The following TTC28 variants were observed in gnomAD, a reference collection of about 807,000 sequenced individuals.
TTC28 encodes the protein tetratricopeptide repeat domain 28, also known as tetratricopeptide repeat protein 28.
A neutral mutation model predicts 198.0 loss-of-function variants in TTC28; 61 were observed. The ratio of observed to expected loss-of-function variants is 0.31; its 90% CI spans 0.25 to 0.38. TTC28 has a LOEUF of 0.38. Among genes scored for constraint, TTC28 ranks in the 10% least tolerant of loss-of-function variants. The pLI, the probability that TTC28 is intolerant of heterozygous loss-of-function variation, is 1.00. For synonymous variants in TTC28, 1,171 were observed against 1,297.8 expected (o/e 0.90, Z 2.10); for missense variants, 2,678 against 3,164.0 (o/e 0.85, Z 3.69).
At chr22:28,212,094 A>AC (rs1927022536) in intron 5 of TTC28, among the ~76,000 whole-genome samples, 1 of 152,190 alleles carries the variant, frequency 6.6e-6, no homozygotes, top group African/African-American at 2.4e-5. Context: ...CAAAGACACA[A>AC]CATGCCAGAA....
intron 6 of TTC28, among the ~76,000 whole-genome samples, chr22:28,122,827 C>A (rs1346346103): frequency 6.6e-6 from 1 of 152,186 alleles, no homozygotes; most frequent in African/African-American, 2.4e-5. Context: ...GTCTACAGCT[C>A]TCTTTTGTAG....
chr22:28,537,895 C>G (rs2049330304), intron 2 of TTC28, among the ~76,000 whole-genome samples: 1 of 151,782 alleles, frequency 6.6e-6, no homozygotes, highest in African/African-American at 2.4e-5. Flanking sequence ...CTATGGGAGG[C>G]TGAGGTGGAA....
chr22:28,655,768 G>A (rs919355696), intron 1 of TTC28, among the ~76,000 whole-genome samples: 4 of 151,262 alleles, frequency 2.6e-5, no homozygotes, highest in Admixed American at 6.6e-5. Flanking sequence ...GGAGAATGGC[G>A]TGAACCCGGG....
chr22:28,466,991 T>C (rs905727608), intron 2 of TTC28, among the ~76,000 whole-genome samples: 1 of 152,186 alleles, frequency 6.6e-6, no homozygotes, highest in African/African-American at 2.4e-5. Context: ...TGTGAAGAAT[T>C]AGAACCCCCA....
At chr22:28,531,846 G>A (rs2049147006) in intron 2 of TTC28, among the ~76,000 whole-genome samples, 1 of 152,180 alleles carries the variant, frequency 6.6e-6, no homozygotes, top group Non-Finnish European at 1.5e-5. Context: ...AAGTAAAGAT[G>A]TTCTTTGAAA....
chr22:28,430,036 ATTTTTTTTTT>A (rs919396993), intron 2 of TTC28, among the ~76,000 whole-genome samples: 14 of 109,978 alleles, frequency 1.3e-4, no homozygotes, highest in African/African-American at 4.7e-4. Context: ...CTGGAATATG[ATTTTTTTTTT>A]TTTTTTTTTT....
intron 2 of TTC28, among the ~76,000 whole-genome samples, chr22:28,427,433 C>CA (rs2047366164): frequency 6.6e-6 from 1 of 152,128 alleles, no homozygotes; most frequent in Non-Finnish European, 1.5e-5. Flanking sequence ...GAGGGCAGAT[C>CA]ACCTGAGGTC....
intron 6 of TTC28, among the ~76,000 whole-genome samples, chr22:28,117,694 A>G (rs148828367): frequency 2.8e-4 from 43 of 152,328 alleles, no homozygotes; most frequent in African/African-American, 9.9e-4. Context: ...TTGCTGTACA[A>G]TTGTATTGAT....
intron 6 of TTC28, among the ~76,000 whole-genome samples, chr22:28,119,856 TA>T (rs1942738056): frequency 6.6e-6 from 1 of 152,232 alleles, no homozygotes; most frequent in African/African-American, 2.4e-5. Flanking sequence ...TCATCAAAGC[TA>T]ATTAATTGGG....
At chr22:28,672,778 G>A (rs1167284438) in intron 1 of TTC28, among the ~76,000 whole-genome samples, 1 of 152,160 alleles carries the variant, frequency 6.6e-6, no homozygotes, top group African/African-American at 2.4e-5. Context: ...AGAAAAAGAG[G>A]GCAAGTAGGT....
At chr22:28,424,771 T>C (rs887572945) in intron 2 of TTC28, among the ~76,000 whole-genome samples, 1 of 152,354 alleles carries the variant, frequency 6.6e-6, no homozygotes, top group South Asian at 2.1e-4. Flanking sequence ...CCTATCCATA[T>C]GTTCCTGTTT....
chr22:28,612,395 C>T (rs764101244), intron 2 of TTC28, among the ~76,000 whole-genome samples: 53 of 152,292 alleles, frequency 3.5e-4, no homozygotes, highest in Admixed American at 1.7e-3. Context: ...TAATACCCCA[C>T]GGTCAATATT....
At chr22:28,086,942 C>G (rs1433971187) in intron 12 of TTC28, among the ~76,000 whole-genome samples, 1 of 151,996 alleles carries the variant, frequency 6.6e-6, no homozygotes, top group Non-Finnish European at 1.5e-5. Flanking sequence ...ACACATACAC[C>G]CTCCCAAGAC....
At position 28,217,269 on chromosome 22, in the gene TTC28, A is replaced by AAAAAAT. The variant is rs1343835258; in HGVS notation, c.934-53676_934-53671dup. 3.3e-5 allele frequency among the ~76,000 whole-genome samples: 5 copies of AAAAAAT among 150,546 alleles called. No homozygotes were observed. The East Asian group carries it at 6.0e-4, about 18-fold the overall frequency. On this transcript the variant is annotated intron_variant, in intron 5 of 22. Coordinates refer to ENST00000397906, the MANE Select transcript of TTC28 (RefSeq NM_001145418.2). ...ATATATATACCTACTATGCACATGC[A>AAAAAAT]AAAAATAAAAATAAAAAACTGAGTG... is the stretch of plus-strand genomic sequence containing the variant.
chr22:28,461,199 T>G (rs868472003), intron 2 of TTC28, among the ~76,000 whole-genome samples: 1 of 152,242 alleles, frequency 6.6e-6, no homozygotes, highest in South Asian at 2.1e-4. Context: ...GAATGTCTAT[T>G]GTTTCATCTT....
chr22:28,323,340 A>T (rs528747248), intron 2 of TTC28, among the ~76,000 whole-genome samples: 1 of 152,362 alleles, frequency 6.6e-6, no homozygotes, highest in Non-Finnish European at 1.5e-5. Flanking sequence ...TCAAAATATT[A>T]TAGCTGTTTC....
intron 1 of TTC28, among the ~76,000 whole-genome samples, chr22:28,655,893 T>C (rs990161073): frequency 6.7e-6 from 1 of 149,898 alleles, no homozygotes; most frequent in Non-Finnish European, 1.5e-5. Flanking sequence ...ACCCTCAAAA[T>C]AGGTAATGAC....
intron 2 of TTC28, among the ~76,000 whole-genome samples, chr22:28,377,239 A>T (rs931787707): frequency 6.6e-6 from 1 of 150,842 alleles, no homozygotes; most frequent in African/African-American, 2.4e-5. Flanking sequence ...TGGGACTAGG[A>T]CATAATATAT....
At chr22:28,357,520 A>C (rs1797135870) in intron 2 of TTC28, among the ~76,000 whole-genome samples, 1 of 151,902 alleles carries the variant, frequency 6.6e-6, no homozygotes, top group African/African-American at 2.4e-5. Flanking sequence ...TATGTTGCCC[A>C]GGCTGGTCCT....
Sources: gnomAD v4.1 joint callset for allele counts (sites outside exome capture counted in the v4.1 genomes callset) on GRCh38, gnomAD v4.1.1 for gene constraint, MANE v1.5 for transcripts, NCBI Gene and HGNC (gene_info 2026-07-23, HGNC 2026-07-21) for gene names.